Variants in SLK observed in about 807,000 individuals in gnomAD.
The protein encoded by SLK is STE20 like kinase.
A neutral mutation model predicts 147.7 loss-of-function variants in SLK; 67 were observed. The observed-to-expected ratio is 0.45, with a 90% CI of 0.37 to 0.56. The LOEUF is 0.56. SLK is among the 20% of genes least tolerant of loss of function. SLK has a pLI of 0.00. For missense variants in SLK, 1,136 were observed against 1,438.8 expected (o/e 0.79, Z 3.41); for synonymous variants, 441 against 475.0 (o/e 0.93, Z 0.93).
In SLK at chr10:103,998,966, A is replaced by G. The variant is rs1381247706; in HGVS notation, c.582A>G (p.Pro194=). The G allele has an allele frequency of 1.9e-6, 3 of 1,606,004 alleles. No individual in the cohort carries two copies. Among genetic ancestry groups the G allele is most frequent in the Non-Finnish European group, 2.6e-6 (3 of 1,173,120 alleles). Reference sequence around the variant, plus strand: ...GAAGAGATTCCTTTATTGGTACACCATATTGGTATGTATTCAGTTTTATGA... The same window carrying G: ...GAAGAGATTCCTTTATTGGTACACCGTATTGGTATGTATTCAGTTTTATGA... ...IQRRDSFIGT[P]YWMAPEVVMC... The change falls in exon 5 of 19, where the codon CCA becomes CCG. Residue 194 remains proline, a synonymous_variant. Coordinates refer to ENST00000369755, the MANE Select transcript of SLK (RefSeq NM_014720.4).
Position 104,008,235 on chromosome 10 carries a change from C to T in SLK, c.2663C>T (p.Thr888Ile). ...AATCTAGAAAAACAGCAGAAACAGACTATCGAACGCCTGGAACAAGAGCAC... is the reference window on the plus strand; with the variant it reads ...AATCTAGAAAAACAGCAGAAACAGATTATCGAACGCCTGGAACAAGAGCAC... ...IENLEKQQKQ[T>I]IERLEQEHTN... is the part of the protein sequence containing the mutation. Residue 888 changes from threonine (T) to isoleucine (I), a missense_variant, in exon 12 of 19, where the codon ACT (threonine) becomes ATT (isoleucine). By Grantham distance (89) the Thr-to-Ile change is moderately conservative. Around this residue, in one of 6 missense-constraint regions of SLK, gnomAD observed 327 missense variants for 457.5 expected, o/e 0.71. Transcript: ENST00000369755. The T allele has an allele frequency of 6.2e-7, 1 of 1,613,880 alleles. No homozygotes were observed. Among genetic ancestry groups the T allele is most frequent in the South Asian group, 1.1e-5 (1 of 91,064 alleles).
chr10:103,968,921 GT>G (rs1310287037), intron 1 of SLK, among the ~76,000 whole-genome samples: 10 of 151,880 alleles, frequency 6.6e-5, no homozygotes, highest in Admixed American at 4.6e-4. Flanking sequence ...ATTTAGTATT[GT>G]TTTTTATTTT....
In SLK at chr10:104,005,683, G is replaced by C. The variant is rs116628156; in HGVS notation, c.2472G>C (p.Arg824=). The C allele has an allele frequency of 1.2e-6, 2 of 1,610,194 alleles. No homozygotes were observed. The highest frequency in any genetic ancestry group is 2.7e-5 in the African/African-American group (2 of 74,830). ...GTGATTCCAAAACTGAAGAATTGCG[G>C]TTTCTTAGGTGAGTAGAGAAACAAC... ...TDSDSKTEEL[R]FLRRQELREL... is the part of the protein sequence containing the mutation. The change falls in exon 10 of 19, where the codon CGG becomes CGC. Residue 824 remains arginine (R), a synonymous_variant. Transcript: ENST00000369755.
At chr10:103,980,787 G>A (rs929337871) in intron 1 of SLK, among the ~76,000 whole-genome samples, 2 of 152,108 alleles carry the variant, frequency 1.3e-5, no homozygotes, top group African/African-American at 2.4e-5. Context: ...AGCTACGAAC[G>A]TGGGTGTACA....
chr10:104,009,490 G>A (rs1844371909), intron 12 of SLK, among the ~76,000 whole-genome samples: 3 of 151,968 alleles, frequency 2.0e-5, no homozygotes, highest in Non-Finnish European at 4.4e-5. Flanking sequence ...GATTTTATTT[G>A]ATGTGGCTTC....
At chr10:103,999,364 C>A (rs776309861) in intron 6 of SLK, 51 bp downstream of exon 6, 2 of 1,322,476 alleles carry the variant, frequency 1.5e-6, no homozygotes, top group African/African-American at 1.5e-5. Context: ...TACTAGGAAG[C>A]AGAACTTGAT....
intron 4 of SLK, among the ~76,000 whole-genome samples, chr10:103,994,774 C>T (rs1844144964): frequency 6.6e-6 from 1 of 152,176 alleles, no homozygotes; most frequent in Non-Finnish European, 1.5e-5. Context: ...GCTGTTTGGC[C>T]TGTTGTGTTT....
chr10:104,012,564 C>G (rs1399597552), intron 13 of SLK, among the ~76,000 whole-genome samples: 2 of 152,186 alleles, frequency 1.3e-5, no homozygotes, highest in Non-Finnish European at 2.9e-5. Flanking sequence ...CCCCAGTTTA[C>G]AGTTGAGGGA....
At chr10:104,010,386 A>G (rs1229561920) in intron 12 of SLK, among the ~76,000 whole-genome samples, 1 of 152,216 alleles carries the variant, frequency 6.6e-6, no homozygotes, top group African/African-American at 2.4e-5. Context: ...GATCAAGCCA[A>G]TTATGAAATT....
intron 8 of SLK, 61 bp from the exon 9 acceptor site, chr10:104,002,111 C>A: frequency 8.0e-7 from 1 of 1,250,280 alleles, no homozygotes; most frequent in East Asian, 2.3e-5. Context: ...GGTCTGTAAA[C>A]ATTGTTTTGG....
At chr10:104,021,984 G>T (rs1274852851) in intron 18 of SLK, among the ~76,000 whole-genome samples, 2 of 152,174 alleles carry the variant, frequency 1.3e-5, no homozygotes. Flanking sequence ...AGGAGGAGGA[G>T]AGCTTAAATC....
intron 1 of SLK, among the ~76,000 whole-genome samples, chr10:103,971,273 TTTGTG>T (rs1843788926): frequency 2.6e-5 from 4 of 151,878 alleles, no homozygotes; most frequent in African/African-American, 9.7e-5. Context: ...TGTTGTTTTG[TTTGTG>T]TTTTGTTTTG....
intron 1 of SLK, among the ~76,000 whole-genome samples, chr10:103,968,826 C>G (rs1332215142): frequency 6.6e-6 from 1 of 152,202 alleles, no homozygotes; most frequent in African/African-American, 2.4e-5. Flanking sequence ...GTATTAGTAT[C>G]CACATTTCAC....
intron 1 of SLK, among the ~76,000 whole-genome samples, chr10:103,989,460 G>GTTTATT (rs1202426790): frequency 1.0e-5 from 1 of 96,816 alleles, no homozygotes; most frequent in Admixed American, 1.3e-4. Context: ...CAGTGTGGCA[G>GTTTATT]TTTCTTTTTT....
intron 1 of SLK, among the ~76,000 whole-genome samples, chr10:103,975,594 C>T (rs1589524886): frequency 6.6e-6 from 1 of 152,044 alleles, no homozygotes; most frequent in Non-Finnish European, 1.5e-5. Context: ...TTCTTTTAAT[C>T]CTGTAATCAT....
rs751878534 is a variant in SLK at position 104,003,567 on chromosome 10, A to G, written c.2349+40A>G. On this transcript the variant is annotated intron_variant, in intron 9 of 18. Transcript: ENST00000369755. ...GTCATTGTTTGGGTTTTCCTTTGCCATTTTCTCAATTCAGAGTTTATGTGA... is the reference window on the plus strand; with the variant it reads ...GTCATTGTTTGGGTTTTCCTTTGCCGTTTTCTCAATTCAGAGTTTATGTGA... 10 of 1,477,536 alleles carry G rather than the reference A, an allele frequency of 6.8e-6. No individual in the cohort carries two copies. The East Asian group carries it at 1.4e-4, about 20-fold the overall frequency. 91.5% of individuals were successfully genotyped at this position (1,477,536 alleles called of 1,614,324 possible). A position where few individuals can be genotyped will look rare whatever the true frequency, so the allele number is the denominator to read the frequency against.
intron 2 of SLK, among the ~76,000 whole-genome samples, chr10:103,991,966 G>A (rs1281382241): frequency 6.6e-6 from 1 of 151,668 alleles, no homozygotes; most frequent in African/African-American, 2.4e-5. Context: ...GAAGTTTAGT[G>A]GGAGACATAA....
chr10:104,020,689 T>C, intron 17 of SLK, 76 bp downstream of exon 17: 1 of 1,491,706 alleles, frequency 6.7e-7, no homozygotes. Flanking sequence ...GAACAGTAGC[T>C]AGCCAAAGTC....
At chr10:103,998,151 T>C (rs1314302441) in intron 4 of SLK, among the ~76,000 whole-genome samples, 1 of 152,152 alleles carries the variant, frequency 6.6e-6, no homozygotes, top group Non-Finnish European at 1.5e-5. Context: ...AAGGTTAGAA[T>C]TGTGAATATG....
Sources: gnomAD v4.1 joint callset for allele counts (sites outside exome capture counted in the v4.1 genomes callset) on GRCh38, gnomAD v4.1.1 for gene constraint, gnomAD v4.1.1 regional missense constraint, MANE v1.5 for transcripts, NCBI Gene and HGNC (gene_info 2026-07-23, HGNC 2026-07-21) for gene names.